RNF4: variants seen among roughly 807,000 people sequenced by gnomAD.
RNF4 encodes ring finger protein 4, also known as E3 ubiquitin-protein ligase RNF4.
Under a neutral mutation model 24.3 loss-of-function variants are expected in RNF4, and 7 were observed. The ratio of observed to expected loss-of-function variants is 0.29; its 90% CI spans 0.16 to 0.54. The LOEUF (loss-of-function observed/expected upper bound fraction) is 0.54, where lower values mean the gene tolerates loss of function less well. Among genes scored for constraint, RNF4 ranks in the 20% least tolerant of loss-of-function variants. RNF4 has a pLI of 0.95. For synonymous variants in RNF4, 83 were observed against 84.3 expected, an observed-to-expected ratio of 0.98 and a Z score of 0.09; for missense variants, 209 against 248.5, an observed-to-expected ratio of 0.84 and a Z score of 1.07.
chr4:2,480,273 T>A (rs1212277543), intron 1 of RNF4: 2 of 108,972 alleles, frequency 1.8e-5, no homozygotes, highest in East Asian at 2.1e-4. Context: ...TCATTCATTC[T>A]TTTTTTTTTT....
intron 4 of RNF4, among the ~76,000 whole-genome samples, chr4:2,501,122 T>C (rs755628364): frequency 6.6e-6 from 1 of 152,212 alleles, no homozygotes; most frequent in African/African-American, 2.4e-5. Flanking sequence ...TGTGTGACCT[T>C]GGGCATGTGA....
At chr4:2,494,766 TTAAA>T (rs1208562708) in intron 2 of RNF4, 2 of 152,350 alleles carry the variant, frequency 1.3e-5, no homozygotes, top group Non-Finnish European at 2.9e-5. Context: ...AAAATAACCT[TTAAA>T]TAAGGAAGAG....
At chr4:2,499,248 A>G in intron 3 of RNF4, 1 of 446,362 alleles carries the variant, frequency 2.2e-6, no homozygotes, top group Non-Finnish European at 4.5e-6. Context: ...ATATTAGACC[A>G]ATACTGTTTC....
intron 2 of RNF4, among the ~76,000 whole-genome samples, chr4:2,496,103 A>G (rs530013784): frequency 5.9e-5 from 9 of 152,344 alleles, no homozygotes; most frequent in Non-Finnish European, 7.3e-5. Context: ...TCCGGAAGAC[A>G]TGGCTCTTGG....
chr4:2,500,785 C>G (rs1735887273), intron 4 of RNF4, 47 bp downstream of exon 4: 3 of 1,577,044 alleles, frequency 1.9e-6, no homozygotes, highest in East Asian at 2.2e-5. Flanking sequence ...GTATGGGTCC[C>G]TGGCCAGTGC....
At chr4:2,479,816 A>G (rs1346444954) in intron 1 of RNF4, 1 of 152,184 alleles carries the variant, frequency 6.6e-6, no homozygotes, top group Non-Finnish European at 1.5e-5. Flanking sequence ...TTTACTTGCA[A>G]TGTAAAGGCT....
intron 1 of RNF4, among the ~76,000 whole-genome samples, chr4:2,476,650 C>G (rs1168516210): frequency 6.6e-6 from 1 of 151,286 alleles, no homozygotes; most frequent in East Asian, 1.9e-4. Context: ...CTCGGCCTCC[C>G]AAAGTGCTGG....
At chr4:2,506,796 C>T (rs1736115429) in intron 4 of RNF4, among the ~76,000 whole-genome samples, 1 of 152,092 alleles carries the variant, frequency 6.6e-6, no homozygotes, top group African/African-American at 2.4e-5. Context: ...TCTCAAACTC[C>T]TGGGCTCAAG....
chr4:2,512,730 C>T lies in RNF4; in HGVS notation c.374+133C>T. 1.9e-6 allele frequency: 2 copies of T among 1,047,380 alleles called. No individual in the cohort carries two copies. The highest frequency in any genetic ancestry group is 2.6e-5 in the East Asian group (1 of 38,808). The allele number at this position is 1,047,380 out of a possible 1,614,324, so 64.9% of individuals were successfully genotyped here. A position where few individuals can be genotyped will look rare whatever the true frequency, so the allele number is the denominator to read the frequency against. ...CAAGCCTCTACCCAGCATCTGGATACAGTTGGAACTGGGTCCAGAACTGAG... is the reference window on the plus strand; with the variant it reads ...CAAGCCTCTACCCAGCATCTGGATATAGTTGGAACTGGGTCCAGAACTGAG... On this transcript the variant is annotated intron_variant, in intron 6 of 7. Coordinates refer to ENST00000314289, the MANE Select transcript of RNF4 (RefSeq NM_002938.5). The surrounding 1 kb of genome is among the most constrained non-coding windows in gnomAD (Gnocchi z 4.1).
chr4:2,479,346 T>G (rs1005872188), intron 1 of RNF4, among the ~76,000 whole-genome samples: 2 of 152,170 alleles, frequency 1.3e-5, no homozygotes, highest in African/African-American at 4.8e-5. Flanking sequence ...ATGATTTATT[T>G]TAAAATGTGA....
chr4:2,477,464 A>G (rs1735113607), intron 1 of RNF4, among the ~76,000 whole-genome samples: 1 of 152,194 alleles, frequency 6.6e-6, no homozygotes, highest in Admixed American at 6.5e-5. Context: ...ACATGCCTGT[A>G]GTTCCAGCTA....
chr4:2,510,833 C>T lies in RNF4; in HGVS notation c.205-1123C>T, dbSNP rs1441907916. On this transcript the variant is annotated intron_variant, in intron 4 of 7. Transcript: ENST00000314289. ...GCACTTGGCCAGAAGGTGGGAGGAACCACGTTTGAAACTGTTGGAGCAGAA... is the reference window on the plus strand; with the variant it reads ...GCACTTGGCCAGAAGGTGGGAGGAATCACGTTTGAAACTGTTGGAGCAGAA... Among the ~76,000 whole-genome samples, 14 of 152,308 alleles carry T rather than the reference C, an allele frequency of 9.2e-5. No homozygotes were observed. In the South Asian group the frequency reaches 2.9e-3, roughly 32 times the overall value.
intron 2 of RNF4, among the ~76,000 whole-genome samples, chr4:2,493,776 CAA>C (rs1735650743): frequency 6.9e-6 from 1 of 145,478 alleles, no homozygotes; most frequent in Admixed American, 6.9e-5. Context: ...GACTTGGCTA[CAA>C]GGGAAGGAGC....
In RNF4 at chr4:2,513,925, A is replaced by G. The variant is rs1736339814; in HGVS notation, c.*106A>G. ...AGATCAAAAAGACTGTTTCGAAACC[A>G]ACATCTGATATGTAAACTGCTCTTT... On this transcript the variant is annotated 3_prime_UTR_variant, in exon 8 of 8. Transcript: ENST00000314289. The G allele has an allele frequency of 7.1e-7, 1 of 1,412,250 alleles. No individual in the cohort carries two copies. The highest frequency in any genetic ancestry group is 1.4e-5 in the African/African-American group (1 of 70,328). The allele number at this position is 1,412,250 out of a possible 1,614,324, so 87.5% of individuals were successfully genotyped here.
intron 1 of RNF4, among the ~76,000 whole-genome samples, chr4:2,475,209 C>A (rs533352048): frequency 1.3e-5 from 2 of 152,312 alleles, no homozygotes; most frequent in African/African-American, 4.8e-5. Context: ...CCTGTTGCCC[C>A]AGTTGGAGTG....
chr4:2,475,076 C>T lies in RNF4; in HGVS notation c.-158+5818C>T, dbSNP rs112268567. Among the ~76,000 whole-genome samples the T allele has an allele frequency of 6.6e-5, 10 of 152,320 alleles. 2 individuals are homozygous for T. The highest frequency in any genetic ancestry group is 2.2e-4 in the African/African-American group (9 of 41,584). On this transcript the variant is annotated intron_variant, in intron 1 of 7. Coordinates refer to ENST00000314289, the MANE Select transcript of RNF4 (RefSeq NM_002938.5). Reference sequence around the variant, plus strand: ...CACAGCTGCCCCAACCTTCATTAGCCACTGCCCTGATCCATGAGCAGCCAT... The same window carrying T: ...CACAGCTGCCCCAACCTTCATTAGCTACTGCCCTGATCCATGAGCAGCCAT...
At chr4:2,499,073 T>A (rs1735830188) in intron 3 of RNF4, among the ~76,000 whole-genome samples, 1 of 150,602 alleles carries the variant, frequency 6.6e-6, no homozygotes, top group African/African-American at 2.4e-5. Context: ...GGCGGGCGCC[T>A]GTAATCCCAG....
In RNF4 at chr4:2,512,484, T is replaced by C. The variant is rs1736296612; in HGVS notation, c.261T>C (p.His87=). The C allele has an allele frequency of 1.2e-6, 2 of 1,613,568 alleles. No individual in the cohort carries two copies. The highest frequency in any genetic ancestry group is 1.3e-5 in the African/African-American group (1 of 74,894). Residue 87 remains histidine (H), a synonymous_variant, in exon 6 of 8, where the codon CAT becomes CAC. Coordinates refer to ENST00000314289, the MANE Select transcript of RNF4 (RefSeq NM_002938.5). This position sits in a 1 kb window ranked among gnomAD's most constrained non-coding sequence, Gnocchi z 4.1. ...ATGCTAGGAGGCTGCCCCAGGACCA[T>C]GCTGACAGCTGTGTGGTGAGCAGTG... is the stretch of plus-strand genomic sequence containing the variant. ...RRNARRLPQD[H]ADSCVVSSDD... is the part of the protein sequence containing the mutation.
rs752503673 is a variant in RNF4, at chr4:2,511,996, T to C, written c.214+31T>C. On this transcript the variant is annotated intron_variant, in intron 5 of 7. Transcript: ENST00000314289. ...TGGTTTCGTTTCCTTTTTCACTGGG[T>C]TTGGAGAGGAAACTGGCATAGGTGA... The C allele has an allele frequency of 1.4e-5, 23 of 1,601,438 alleles. No homozygotes were observed. The African/African-American group carries it at 2.9e-4, about 20-fold the overall frequency.
Sources: gnomAD v4.1 joint callset for allele counts (sites outside exome capture counted in the v4.1 genomes callset) on GRCh38, gnomAD v4.1.1 for gene constraint, Gnocchi (gnomAD v3.1) non-coding constraint, MANE v1.5 for transcripts, NCBI Gene and HGNC (gene_info 2026-07-23, HGNC 2026-07-21) for gene names.